The following MAP3K4 variants were observed in gnomAD, a reference collection of about 807,000 sequenced individuals.
MAP3K4 encodes the protein mitogen-activated protein kinase kinase kinase 4, also known as MAP three kinase 1.
A neutral mutation model predicts 185.6 loss-of-function variants in MAP3K4; 67 were observed. The ratio of observed to expected loss-of-function variants is 0.36; its 90% CI spans 0.30 to 0.44. The LOEUF (loss-of-function observed/expected upper bound fraction) is 0.44. MAP3K4 is among the 20% of genes least tolerant of loss of function. The pLI is 1.00. For missense variants in MAP3K4, 1,551 were observed against 1,995.1 expected (o/e 0.78, Z 4.24); for synonymous variants, 702 against 710.4 (o/e 0.99, Z 0.19).
chr6:161,056,374 A>G lies in MAP3K4; in HGVS notation c.1707+6395A>G, dbSNP rs939046139. On this transcript the variant is annotated intron_variant, in intron 3 of 26. Coordinates refer to ENST00000392142, the MANE Select transcript of MAP3K4 (RefSeq NM_005922.4). The surrounding 1 kb of genome is among the most constrained non-coding windows in gnomAD (Gnocchi z 5.4). Reference sequence around the variant, plus strand: ...GGTGTCATTGCTTTTAGGCCTTCTCAGTGATAGAATTAGAACGTACAGGTA... The same window carrying G: ...GGTGTCATTGCTTTTAGGCCTTCTCGGTGATAGAATTAGAACGTACAGGTA... Among the ~76,000 whole-genome samples the G allele has an allele frequency of 6.6e-6, 1 of 152,160 alleles. No homozygotes were observed. Among genetic ancestry groups the G allele is most frequent in the Non-Finnish European group, 1.5e-5 (1 of 68,034 alleles).
chr6:161,024,332 A>G (rs1782540490), intron 1 of MAP3K4, among the ~76,000 whole-genome samples: 1 of 152,138 alleles, frequency 6.6e-6, no homozygotes, highest in African/African-American at 2.4e-5. Context: ...CCTATACCCT[A>G]TGCTCAGTTT....
At chr6:161,059,751 A>G (rs756841531) in intron 3 of MAP3K4, among the ~76,000 whole-genome samples, 6 of 152,004 alleles carry the variant, frequency 3.9e-5, no homozygotes, top group Admixed American at 1.3e-4. Flanking sequence ...TTAAAATTTT[A>G]TAATTGTCAT....
chr6:161,049,604 T>G lies in MAP3K4; in HGVS notation c.1332T>G (p.Gly444=), dbSNP rs1583166557. ...AAGGTAATGAGCCGGAGTATGAGGG[T>G]GATGACACAGAAGGAGAATTAAAGG... is the stretch of plus-strand genomic sequence containing the variant. ...PSKGNEPEYE[G]DDTEGELKEL... Residue 444 remains glycine (G), a synonymous_variant, in exon 3 of 27, where the codon GGT becomes GGG. Transcript: ENST00000392142. This position sits in a 1 kb window ranked among gnomAD's most constrained non-coding sequence, Gnocchi z 8.4. 6 of 1,613,812 alleles carry G rather than the reference T, an allele frequency of 3.7e-6. No homozygotes were observed. Among genetic ancestry groups the G allele is most frequent in the Non-Finnish European group, 5.1e-6 (6 of 1,179,972 alleles).
At chr6:161,010,281 A>G (rs1781785968) in intron 1 of MAP3K4, among the ~76,000 whole-genome samples, 1 of 152,164 alleles carries the variant, frequency 6.6e-6, no homozygotes, top group Admixed American at 6.5e-5. Context: ...TTCTTTGTTG[A>G]TGTGTTAGAA....
intron 1 of MAP3K4, among the ~76,000 whole-genome samples, chr6:161,024,715 C>T (rs773159901): frequency 6.6e-6 from 1 of 152,140 alleles, no homozygotes; most frequent in Non-Finnish European, 1.5e-5. Flanking sequence ...ATCAGGGGCA[C>T]GTGCTGTCAA....
In MAP3K4 at chr6:161,115,435, G is replaced by T; in HGVS notation, c.4806+133G>T. ...GGAAAGGAACTAAATGTATTATTAT[G>T]CCAGGGATTTTTGTATGTGTTTTTT... is the stretch of plus-strand genomic sequence containing the variant. On this transcript the variant is annotated intron_variant, in intron 26 of 26. Transcript: ENST00000392142. The surrounding 1 kb of genome is among the most constrained non-coding windows in gnomAD (Gnocchi z 6.0). 1 of 851,952 alleles carries T rather than the reference G, an allele frequency of 1.2e-6. No homozygotes were observed. The highest frequency in any genetic ancestry group is 1.7e-6 in the Non-Finnish European group (1 of 572,304). 52.8% of individuals were successfully genotyped at this position (851,952 alleles called of 1,614,324 possible). A position where few individuals can be genotyped will look rare whatever the true frequency, so the allele number is the denominator to read the frequency against.
intron 1 of MAP3K4, among the ~76,000 whole-genome samples, chr6:161,002,267 A>G (rs1255064240): frequency 6.6e-6 from 1 of 152,016 alleles, no homozygotes; most frequent in Non-Finnish European, 1.5e-5. Context: ...AATTCTTTTT[A>G]GTTCATTTAA....
rs1271838274 is a variant in MAP3K4 at position 161,048,811 on chromosome 6, C to T, written c.539C>T (p.Pro180Leu). The T allele has an allele frequency of 3.1e-6, 5 of 1,614,126 alleles. No individual in the cohort carries two copies. The South Asian group carries it at 4.4e-5, about 14-fold the overall frequency. ...VGGSLPKKSI[P>L]DVDLNKPYLS... ...GGATCTTTGCCAAAAAAATCAATTCCAGATGTGGATCTCAATAAGCCTTAC... is the reference window on the plus strand; with the variant it reads ...GGATCTTTGCCAAAAAAATCAATTCTAGATGTGGATCTCAATAAGCCTTAC... The change falls in exon 3 of 27, where the codon CCA becomes CTA. Residue 180 changes from proline to leucine, a missense_variant. By Grantham distance (98) the Pro-to-Leu change is moderately conservative (BLOSUM62 -3). Transcript: ENST00000392142. The surrounding 1 kb of genome is among the most constrained non-coding windows in gnomAD (Gnocchi z 4.7).
rs375593903 is a variant in MAP3K4 at position 161,097,918 on chromosome 6, CA to C, written c.3525-354del. Among the ~76,000 whole-genome samples, 1 of 151,584 alleles carries C rather than the reference CA, an allele frequency of 6.6e-6. No homozygotes were observed. The highest frequency in any genetic ancestry group is 1.5e-5 in the Non-Finnish European group (1 of 67,884). On this transcript the variant is annotated intron_variant, in intron 16 of 26. Transcript: ENST00000392142. This position sits in a 1 kb window ranked among gnomAD's most constrained non-coding sequence, Gnocchi z 4.9. ...GCAACGTAGCAAAACATCATCTCTA[CA>C]AAAAATACAACAAAGATAATAGCTG...
chr6:161,089,852 T>A (rs1297244431), intron 11 of MAP3K4, among the ~76,000 whole-genome samples: 1 of 152,240 alleles, frequency 6.6e-6, no homozygotes, highest in African/African-American at 2.4e-5. Flanking sequence ...TAATAGAAGA[T>A]TTATTTATTG....
chr6:161,091,406 A>G lies in MAP3K4; in HGVS notation c.3001A>G (p.Ile1001Val). The G allele has an allele frequency of 6.2e-7, 1 of 1,614,070 alleles. No homozygotes were observed. Among genetic ancestry groups the G allele is most frequent in the East Asian group, 2.2e-5 (1 of 44,866 alleles). The stretch of plus-strand genomic sequence containing the variant: ...TGATGCATTGGAGCTATGCAACAGG[A>G]TAAGCAATGCCATTGACCGCGTGGA... ...KNDALELCNR[I>V]SNAIDRVDHM... Residue 1001 changes from isoleucine (I) to valine (V), a missense_variant, in exon 12 of 27, where the codon ATA becomes GTA. Ile to Val is a conservative substitution (Grantham distance 29). Around this residue, in one of 16 missense-constraint regions of MAP3K4, gnomAD observed 261 missense variants for 306.5 expected, o/e 0.85. Coordinates refer to ENST00000392142, the MANE Select transcript of MAP3K4 (RefSeq NM_005922.4). This position sits in a 1 kb window ranked among gnomAD's most constrained non-coding sequence, Gnocchi z 5.5.
At chr6:161,002,399 G>A (rs181644648) in intron 1 of MAP3K4, among the ~76,000 whole-genome samples, 38 of 152,146 alleles carry the variant, frequency 2.5e-4, no homozygotes, top group Non-Finnish European at 3.7e-4. Flanking sequence ...ATCTTTTCAC[G>A]TAATAAAACT....
chr6:161,092,368 G>A (rs1185767071), intron 13 of MAP3K4, among the ~76,000 whole-genome samples: 3 of 151,928 alleles, frequency 2.0e-5, no homozygotes, highest in Admixed American at 6.6e-5. Flanking sequence ...ACCTTTAAGG[G>A]AACTCATGTT....
chr6:161,109,814 G>A lies in MAP3K4; in HGVS notation c.4296G>A (p.Arg1432=). Residue 1432 remains arginine, a synonymous_variant, in exon 23 of 27, where the codon AGG becomes AGA. Coordinates refer to ENST00000392142, the MANE Select transcript of MAP3K4 (RefSeq NM_005922.4). The surrounding 1 kb of genome is among the most constrained non-coding windows in gnomAD (Gnocchi z 5.7). ...AGGGGACTTTAGAAGAGGTGTCAAG[G>A]CTGGGACTTCAGGAACATGTGATTA... The part of the protein sequence containing the change: ...CDEGTLEEVS[R]LGLQEHVIRL... 2 of 1,614,158 alleles carry A rather than the reference G, an allele frequency of 1.2e-6. No homozygotes were observed. The highest frequency in any genetic ancestry group is 1.7e-6 in the Non-Finnish European group (2 of 1,180,026).
chr6:161,087,912 C>T lies in MAP3K4; in HGVS notation c.2781C>T (p.Val927=), dbSNP rs374413338. 2.3e-5 allele frequency: 37 copies of T among 1,613,846 alleles called. No homozygotes were observed. The highest frequency in any genetic ancestry group is 9.3e-5 in the African/African-American group (7 of 74,884). Residue 927 remains valine (V), a synonymous_variant, in exon 10 of 27, where the codon GTC becomes GTT. Coordinates refer to ENST00000392142, the MANE Select transcript of MAP3K4 (RefSeq NM_005922.4). The surrounding 1 kb of genome is among the most constrained non-coding windows in gnomAD (Gnocchi z 4.9). ...WGTWEAQPVK[V]VPQVETVDTL... is the part of the protein sequence containing the mutation. ...CCTGGGAGGCACAGCCTGTCAAAGTCGTGCCTCAGGTGGAGACTGTTGACA... is the reference window on the plus strand; with the variant it reads ...CCTGGGAGGCACAGCCTGTCAAAGTTGTGCCTCAGGTGGAGACTGTTGACA...
rs997341200 is a variant in MAP3K4 at position 161,053,865 on chromosome 6, A to T, written c.1707+3886A>T. ...TGCCTCCGCCTCCCAAAGTGCTGGGATTACAGGCGTGAGCCACTGCGCCTG... is the reference window on the plus strand; with the variant it reads ...TGCCTCCGCCTCCCAAAGTGCTGGGTTTACAGGCGTGAGCCACTGCGCCTG... On this transcript the variant is annotated intron_variant, in intron 3 of 26. Coordinates refer to ENST00000392142, the MANE Select transcript of MAP3K4 (RefSeq NM_005922.4). The surrounding 1 kb of genome is among the most constrained non-coding windows in gnomAD (Gnocchi z 4.2). Among the ~76,000 whole-genome samples the T allele has an allele frequency of 6.6e-6, 1 of 152,174 alleles. No homozygotes were observed.
In MAP3K4 at chr6:161,107,837, T is replaced by C. The variant is rs1778156607; in HGVS notation, c.4049-62T>C. 3 of 1,092,792 alleles carry C rather than the reference T, an allele frequency of 2.7e-6. No individual in the cohort carries two copies. Among genetic ancestry groups the C allele is most frequent in the Admixed American group, 3.7e-5 (2 of 54,232 alleles). 67.7% of individuals were successfully genotyped at this position (1,092,792 alleles called of 1,614,324 possible). On this transcript the variant is annotated intron_variant, in intron 20 of 26. Coordinates refer to ENST00000392142, the MANE Select transcript of MAP3K4 (RefSeq NM_005922.4). This position sits in a 1 kb window ranked among gnomAD's most constrained non-coding sequence, Gnocchi z 6.2. ...TAATTGGACAGTATTATTACAAGTT[T>C]AAGGAATGTAAGACAGCCCCCTGCA...
chr6:161,011,855 C>T (rs574280907), intron 1 of MAP3K4, among the ~76,000 whole-genome samples: 4 of 152,160 alleles, frequency 2.6e-5, no homozygotes, highest in Non-Finnish European at 5.9e-5. Flanking sequence ...CTGGTTTATT[C>T]CTTTCCTGAC....
At chr6:161,023,250 A>G (rs1226029914) in intron 1 of MAP3K4, among the ~76,000 whole-genome samples, 1 of 152,216 alleles carries the variant, frequency 6.6e-6, no homozygotes, top group East Asian at 1.9e-4. Flanking sequence ...AGGAAACTTT[A>G]TCATGATAGT....
Sources: allele counts gnomAD v4.1 joint callset (sites outside exome capture counted in the v4.1 genomes callset), GRCh38; gene constraint gnomAD v4.1.1; regional missense constraint gnomAD v4.1.1; non-coding constraint Gnocchi (gnomAD v3.1); transcripts MANE v1.5; gene names NCBI Gene and HGNC (gene_info 2026-07-23, HGNC 2026-07-21).